The following CADM2 variants were observed in gnomAD, a reference collection of about 807,000 sequenced individuals.
CADM2 encodes the protein immunoglobulin superfamily member 4D.
A neutral mutation model predicts 49.8 loss-of-function variants in CADM2; 12 were observed. The observed-to-expected ratio is 0.24, with a 90% CI of 0.15 to 0.39. The LOEUF (loss-of-function observed/expected upper bound fraction) is 0.39. CADM2 is among the 10% of genes least tolerant of loss of function. The probability of loss-of-function intolerance (pLI) is 1.00; values close to 1 mark genes in which losing one functional copy is unlikely to be tolerated. For synonymous variants in CADM2, 214 were observed against 175.4 expected, an observed-to-expected ratio of 1.22 and a Z score of -1.74; for missense variants, 378 against 492.3, an observed-to-expected ratio of 0.77 and a Z score of 2.20.
intron 1 of CADM2, among the ~76,000 whole-genome samples, chr3:85,130,219 T>G (rs1425795844): frequency 6.6e-6 from 1 of 152,204 alleles, no homozygotes; most frequent in Non-Finnish European, 1.5e-5. Flanking sequence ...TTCAGCATAG[T>G]TTGTTGAATA....
chr3:85,271,878 C>G (rs1014208675), intron 1 of CADM2, among the ~76,000 whole-genome samples: 1 of 151,084 alleles, frequency 6.6e-6, no homozygotes, highest in Admixed American at 6.6e-5. Flanking sequence ...ATAGGGATTA[C>G]TTAATAGCAA....
intron 1 of CADM2, among the ~76,000 whole-genome samples, chr3:85,290,467 G>A (rs1376645488): frequency 1.3e-5 from 2 of 152,200 alleles, no homozygotes; most frequent in Admixed American, 1.3e-4. Flanking sequence ...TGCCTCTGTA[G>A]GCTCCATCTC....
intron 2 of CADM2, among the ~76,000 whole-genome samples, chr3:85,777,934 C>T (rs1004566179): frequency 2.0e-5 from 3 of 152,100 alleles, no homozygotes; most frequent in Non-Finnish European, 4.4e-5. Context: ...TTTTAATATG[C>T]ATAGGTATAC....
At chr3:85,317,581 T>C (rs555502736) in intron 1 of CADM2, among the ~76,000 whole-genome samples, 1 of 152,304 alleles carries the variant, frequency 6.6e-6, no homozygotes, top group Non-Finnish European at 1.5e-5. Context: ...GGTAGTACTT[T>C]GAATGCATTA....
chr3:86,042,581 T>A (rs528948180), intron 8 of CADM2, among the ~76,000 whole-genome samples: 2 of 152,268 alleles, frequency 1.3e-5, no homozygotes, highest in Non-Finnish European at 2.9e-5. Context: ...ATTCAGGCAA[T>A]AATTAATAGC....
intron 8 of CADM2, among the ~76,000 whole-genome samples, chr3:86,010,202 A>G (rs996066105): frequency 5.3e-5 from 8 of 152,006 alleles, no homozygotes; most frequent in African/African-American, 1.9e-4. Flanking sequence ...AATCCTGGAC[A>G]GGTCAAATAA....
intron 8 of CADM2, among the ~76,000 whole-genome samples, chr3:85,981,989 C>G (rs1376952734): frequency 5.3e-5 from 8 of 151,686 alleles, no homozygotes; most frequent in Non-Finnish European, 1.5e-5. Flanking sequence ...TGCAAGCATT[C>G]CATTTCTCTG....
At chr3:85,227,860 G>T (rs1372726230) in intron 1 of CADM2, among the ~76,000 whole-genome samples, 1 of 152,146 alleles carries the variant, frequency 6.6e-6, no homozygotes, top group Non-Finnish European at 1.5e-5. Flanking sequence ...GGATTTGCTT[G>T]TCTGTAAAGG....
At chr3:85,861,393 G>T (rs939633163) in intron 3 of CADM2, among the ~76,000 whole-genome samples, 11 of 152,170 alleles carry the variant, frequency 7.2e-5, no homozygotes, top group African/African-American at 2.7e-4. Context: ...AGTTAAGAAT[G>T]ACTTTCTGGT....
chr3:86,047,025 C>G (rs1490382551), intron 8 of CADM2, among the ~76,000 whole-genome samples: 1 of 151,728 alleles, frequency 6.6e-6, no homozygotes, highest in African/African-American at 2.4e-5. Context: ...TATCTAGTAT[C>G]GTAATTTGCA....
intron 1 of CADM2, among the ~76,000 whole-genome samples, chr3:85,236,812 C>T (rs1465688519): frequency 6.6e-6 from 1 of 151,800 alleles, no homozygotes; most frequent in Non-Finnish European, 1.5e-5. Flanking sequence ...GGAAGGGTGA[C>T]CTCAACTAGA....
chr3:85,579,021 G>A (rs2062721497), intron 1 of CADM2, among the ~76,000 whole-genome samples: 1 of 152,126 alleles, frequency 6.6e-6, no homozygotes, highest in Admixed American at 6.5e-5. Flanking sequence ...CTAAAAGTTT[G>A]AAGCTAATTT....
intron 8 of CADM2, among the ~76,000 whole-genome samples, chr3:85,978,032 C>A (rs1477349211): frequency 2.0e-5 from 3 of 151,586 alleles, no homozygotes; most frequent in Non-Finnish European, 4.4e-5. Flanking sequence ...ACAAAATAAT[C>A]TGTCAAACAC....
At chr3:85,313,919 C>G (rs2044402889) in intron 1 of CADM2, among the ~76,000 whole-genome samples, 2 of 152,172 alleles carry the variant, frequency 1.3e-5, no homozygotes, top group Admixed American at 1.3e-4. Flanking sequence ...GAGATGGAGT[C>G]TCTCTCTGTC....
At chr3:85,052,266 G>A (rs1267941785) in intron 1 of CADM2, among the ~76,000 whole-genome samples, 2 of 152,006 alleles carry the variant, frequency 1.3e-5, no homozygotes, top group African/African-American at 4.8e-5. Context: ...TAGATGAATC[G>A]AGAAAAATCT....
At chr3:85,886,047 T>C in intron 4 of CADM2, 143 bp from the exon 5 acceptor site, 13 of 1,242,156 alleles carry the variant, frequency 1.0e-5, no homozygotes, top group Non-Finnish European at 1.1e-6. Context: ...TATGAAGCAG[T>C]TTATTACATA....
intron 2 of CADM2, among the ~76,000 whole-genome samples, chr3:85,759,796 AC>A (rs1393121252): frequency 6.6e-6 from 1 of 152,004 alleles, no homozygotes; most frequent in Non-Finnish European, 1.5e-5. Context: ...CATACTGGGG[AC>A]CTTGGGGACA....
intron 1 of CADM2, among the ~76,000 whole-genome samples, chr3:85,257,406 G>C (rs758954631): frequency 2.0e-4 from 31 of 152,080 alleles, no homozygotes; most frequent in Non-Finnish European, 3.8e-4. Context: ...ACCTGGAATG[G>C]TGTTGATTAA....
intron 1 of CADM2, among the ~76,000 whole-genome samples, chr3:84,984,837 C>G (rs541783035): frequency 6.6e-6 from 1 of 152,214 alleles, no homozygotes; most frequent in African/African-American, 2.4e-5. Context: ...CACTTTAAGC[C>G]TTTACACATG....
Sources: gnomAD v4.1 joint callset for allele counts (sites outside exome capture counted in the v4.1 genomes callset) on GRCh38, gnomAD v4.1.1 for gene constraint, MANE v1.5 for transcripts, NCBI Gene and HGNC (gene_info 2026-07-23, HGNC 2026-07-21) for gene names.